Variants in ERBB4 observed in about 807,000 individuals in gnomAD.
ERBB4 encodes erb-b2 receptor tyrosine kinase 4, also known as receptor tyrosine-protein kinase erbB-4.
Under a neutral mutation model 158.0 loss-of-function variants are expected in ERBB4, and 42 were observed. That is an observed-to-expected ratio of 0.27 (90% CI 0.21 to 0.34). The LOEUF is 0.34. Ranked by LOEUF, ERBB4 falls within the 10% of genes least tolerant of loss-of-function variation. ERBB4 has a pLI of 1.00. For synonymous variants in ERBB4, 583 were observed against 558.7 expected, an observed-to-expected ratio of 1.04 and a Z score of -0.61; for missense variants, 1,333 against 1,624.1, an observed-to-expected ratio of 0.82 and a Z score of 3.08.
In ERBB4 at chr2:212,370,076, CT is replaced by C. The variant is rs1415838552; in HGVS notation, c.82+168372del. 5.3e-5 allele frequency among the ~76,000 whole-genome samples: 8 copies of C among 152,210 alleles called. No individual in the cohort carries two copies. In the East Asian group the frequency reaches 1.5e-3, roughly 29 times the overall value. On this transcript the variant is annotated intron_variant, in intron 1 of 27. Transcript: ENST00000342788. ...GGCTCTGTCCCCACCCAAATCTCAC[CT>C]TGAATTGCAATAATCCCCCCACCTG...
rs1285745508 is a variant in ERBB4 at position 211,387,990 on chromosome 2, A to C, written c.3138T>G (p.Ser1046Arg). ...CAGGAGGAGGGCTGTGTCCAATTTCACTCTAATAGGAAAGAAAAATGGAAT... is the reference window on the plus strand; with the variant it reads ...CAGGAGGAGGGCTGTGTCCAATTTCCCTCTAATAGGAAAGAAAAATGGAAT... Reference protein sequence around the residue: ...TSRARIDSNRSEIGHSPPPAY... With the variant: ...TSRARIDSNRREIGHSPPPAY... The change falls in exon 26 of 28, where the codon AGT becomes AGG. Residue 1046 changes from serine (S) to arginine (R), a missense_variant and splice_region_variant. Coordinates refer to ENST00000342788, the MANE Select transcript of ERBB4 (RefSeq NM_005235.3). 6.3e-7 allele frequency: 1 copy of C among 1,599,922 alleles called. No individual in the cohort carries two copies. The highest frequency in any genetic ancestry group is 1.1e-5 in the South Asian group (1 of 90,782).
At chr2:212,507,097 T>C (rs1461756353) in intron 1 of ERBB4, among the ~76,000 whole-genome samples, 1 of 152,122 alleles carries the variant, frequency 6.6e-6, no homozygotes, top group Non-Finnish European at 1.5e-5. Context: ...ATCCTAAATC[T>C]ACTCTGCCTG....
At chr2:212,079,321 C>T (rs2078366091) in intron 2 of ERBB4, among the ~76,000 whole-genome samples, 1 of 151,790 alleles carries the variant, frequency 6.6e-6, no homozygotes, top group African/African-American at 2.4e-5. Flanking sequence ...TTAAAGAAAT[C>T]CTATTGCTTC....
At chr2:211,408,492 C>T (rs988198634) in intron 25 of ERBB4, among the ~76,000 whole-genome samples, 3 of 152,146 alleles carry the variant, frequency 2.0e-5, no homozygotes, top group Non-Finnish European at 4.4e-5. Context: ...CTGATAGTTG[C>T]TCAAGTGTAA....
At chr2:212,217,314 A>C (rs893383088) in intron 1 of ERBB4, among the ~76,000 whole-genome samples, 10 of 151,328 alleles carry the variant, frequency 6.6e-5, no homozygotes, top group African/African-American at 2.4e-4. Flanking sequence ...GTCATCACCC[A>C]CCAAAGCTTC....
chr2:211,973,681 C>T (rs753222521), intron 2 of ERBB4, among the ~76,000 whole-genome samples: 2 of 152,104 alleles, frequency 1.3e-5, no homozygotes, highest in Non-Finnish European at 2.9e-5. Context: ...GGCAATTCCT[C>T]GAAGACCTAA....
chr2:211,832,134 C>T (rs1186066603), intron 3 of ERBB4, among the ~76,000 whole-genome samples: 1 of 152,032 alleles, frequency 6.6e-6, no homozygotes, highest in Non-Finnish European at 1.5e-5. Flanking sequence ...GCTACTGTAG[C>T]TTTTATACCT....
intron 1 of ERBB4, among the ~76,000 whole-genome samples, chr2:212,537,063 T>G (rs1693114095): frequency 6.6e-6 from 1 of 152,056 alleles, no homozygotes; most frequent in African/African-American, 2.4e-5. Flanking sequence ...CACAAACGCC[T>G]CACATGTGCC....
rs144294643 is a variant in ERBB4, at chr2:211,518,790, G to A, written c.2487+43113C>T. 4.7e-3 allele frequency among the ~76,000 whole-genome samples: 713 copies of A among 152,126 alleles called. 7 individuals are homozygous for A. The highest frequency in any genetic ancestry group is 0.017 in the African/African-American group (694 of 41,534). On this transcript the variant is annotated intron_variant, in intron 20 of 27. Transcript: ENST00000342788. ...ATATAAACTCTGAAACATACAAAAT[G>A]GCCATAATTATTGAATGAATATTAA... is the stretch of plus-strand genomic sequence containing the variant.
At chr2:212,041,780 T>C (rs2077147232) in intron 2 of ERBB4, among the ~76,000 whole-genome samples, 1 of 152,076 alleles carries the variant, frequency 6.6e-6, no homozygotes, top group East Asian at 1.9e-4. Flanking sequence ...TATTTAACTT[T>C]TTCACTCTTT....
chr2:212,133,159 C>A (rs1331030575), intron 1 of ERBB4, among the ~76,000 whole-genome samples: 1 of 152,066 alleles, frequency 6.6e-6, no homozygotes, highest in African/African-American at 2.4e-5. Context: ...ATTCTCCACA[C>A]AGAGGCCAGA....
At position 212,198,773 on chromosome 2, in the gene ERBB4, G is replaced by A. The variant is rs1241024042; in HGVS notation, c.83-73870C>T. On this transcript the variant is annotated intron_variant, in intron 1 of 27. Transcript: ENST00000342788. ...TTTTTTTTGGATTTTTAGTAGAGATGGGGTTTCACCATGTTGGCCAGGCTG... is the reference window on the plus strand; with the variant it reads ...TTTTTTTTGGATTTTTAGTAGAGATAGGGTTTCACCATGTTGGCCAGGCTG... 5.7e-5 allele frequency among the ~76,000 whole-genome samples: 7 copies of A among 121,928 alleles called. No homozygotes were observed. The East Asian group carries it at 1.6e-3, about 28-fold the overall frequency. The allele number at this position is 121,928 out of a possible 152,430, so 80.0% of individuals were successfully genotyped here. A position where few individuals can be genotyped will look rare whatever the true frequency, so the allele number is the denominator to read the frequency against.
At chr2:211,783,632 G>GTT (rs1192813354) in intron 4 of ERBB4, among the ~76,000 whole-genome samples, 1 of 152,144 alleles carries the variant, frequency 6.6e-6, no homozygotes, top group Non-Finnish European at 1.5e-5. Context: ...TAATCACGTG[G>GTT]TTTTTATCTT....
At chr2:212,347,462 A>G (rs1310805399) in intron 1 of ERBB4, among the ~76,000 whole-genome samples, 1 of 152,118 alleles carries the variant, frequency 6.6e-6, no homozygotes, top group African/African-American at 2.4e-5. Context: ...CAGATATTGG[A>G]GTGTTGGATG....
chr2:212,510,688 T>A (rs2106277069), intron 1 of ERBB4, among the ~76,000 whole-genome samples: 1 of 152,204 alleles, frequency 6.6e-6, no homozygotes, highest in Non-Finnish European at 1.5e-5. Flanking sequence ...TACATTATAC[T>A]TATCTGATTG....
chr2:211,629,050 C>T (rs1433769666), intron 17 of ERBB4, among the ~76,000 whole-genome samples: 2 of 151,876 alleles, frequency 1.3e-5, no homozygotes, highest in East Asian at 3.9e-4. Context: ...TGTTTGAGTT[C>T]ATTTTAGATT....
chr2:212,414,322 T>C (rs1263261690), intron 1 of ERBB4, among the ~76,000 whole-genome samples: 1 of 152,208 alleles, frequency 6.6e-6, no homozygotes, highest in Non-Finnish European at 1.5e-5. Flanking sequence ...TATGTTTTCA[T>C]TCTATATTCT....
chr2:212,203,769 C>T (rs1258061865), intron 1 of ERBB4, among the ~76,000 whole-genome samples: 2 of 152,174 alleles, frequency 1.3e-5, no homozygotes, highest in African/African-American at 4.8e-5. Flanking sequence ...TAATCAACCA[C>T]TTAGCTGTTT....
At chr2:212,445,612 A>C (rs570674997) in intron 1 of ERBB4, among the ~76,000 whole-genome samples, 1 of 152,332 alleles carries the variant, frequency 6.6e-6, no homozygotes, top group East Asian at 1.9e-4. Context: ...GTAAGGAAGC[A>C]TATGCATGGA....
Sources: allele counts gnomAD v4.1 joint callset (sites outside exome capture counted in the v4.1 genomes callset), GRCh38; gene constraint gnomAD v4.1.1; transcripts MANE v1.5; gene names NCBI Gene and HGNC (gene_info 2026-07-23, HGNC 2026-07-21).